Variants in THADA observed in about 807,000 individuals in gnomAD.
THADA encodes the protein THADA armadillo repeat containing.
THADA carries 213 observed loss-of-function variants against 219.8 expected under a neutral mutation model. The observed-to-expected ratio is 0.97, with a 90% CI of 0.87 to 1.09. THADA has a LOEUF of 1.09. Ranked by LOEUF, THADA falls within the 50% of genes least tolerant of loss-of-function variation. THADA has a pLI of 0.00. For synonymous variants in THADA, 1,018 were observed against 828.9 expected (o/e 1.23, Z -3.92); for missense variants, 2,956 against 2,311.3 (o/e 1.28, Z -5.72).
intron 11 of THADA, among the ~76,000 whole-genome samples, 156 bp downstream of exon 11, chr2:43,574,180 G>A (rs1360894110): frequency 6.6e-6 from 1 of 152,096 alleles, no homozygotes; most frequent in African/African-American, 2.4e-5. Flanking sequence ...CTATATATAG[G>A]AACATTCGTT....
chr2:43,533,701 G>A (rs1471227893), intron 21 of THADA, among the ~76,000 whole-genome samples: 1 of 152,130 alleles, frequency 6.6e-6, no homozygotes, highest in East Asian at 1.9e-4. Flanking sequence ...GAGAACACAT[G>A]GACACAGGGA....
chr2:43,467,613 C>T (rs1684412821), intron 26 of THADA, among the ~76,000 whole-genome samples: 1 of 152,178 alleles, frequency 6.6e-6, no homozygotes, highest in South Asian at 2.1e-4. Flanking sequence ...TTCACATCTG[C>T]AGAGACTTCT....
intron 29 of THADA, among the ~76,000 whole-genome samples, chr2:43,346,481 T>C (rs1470572124): frequency 6.6e-6 from 1 of 152,068 alleles, no homozygotes; most frequent in African/African-American, 2.4e-5. Flanking sequence ...AACTCTTTCT[T>C]CCTCACTTTC....
chr2:43,250,479 A>C (rs1669702940), intron 36 of THADA, among the ~76,000 whole-genome samples: 1 of 152,212 alleles, frequency 6.6e-6, no homozygotes, highest in Non-Finnish European at 1.5e-5. Context: ...TAATGACTGC[A>C]CACGACTGTA....
intron 28 of THADA, among the ~76,000 whole-genome samples, chr2:43,402,294 G>A (rs1674951900): frequency 6.6e-6 from 1 of 152,184 alleles, no homozygotes; most frequent in South Asian, 2.1e-4. Context: ...GACATTCACA[G>A]CCGAAGAGTG....
chr2:43,507,484 T>C (rs966358138), intron 23 of THADA, among the ~76,000 whole-genome samples: 3 of 152,122 alleles, frequency 2.0e-5, no homozygotes, highest in African/African-American at 7.2e-5. Flanking sequence ...AACACACTGA[T>C]ACAGAATGGG....
chr2:43,487,729 C>T (rs1014139016), intron 25 of THADA, among the ~76,000 whole-genome samples: 1 of 152,166 alleles, frequency 6.6e-6, no homozygotes, highest in Non-Finnish European at 1.5e-5. Context: ...AGCTGCCTCA[C>T]TTCTACCATG....
intron 31 of THADA, among the ~76,000 whole-genome samples, chr2:43,299,281 A>C (rs1470182712): frequency 6.6e-6 from 1 of 152,214 alleles, no homozygotes; most frequent in African/African-American, 2.4e-5. Context: ...GGAGATACAG[A>C]GATGCAGAGC....
At chr2:43,291,302 T>C (rs981577603) in intron 34 of THADA, among the ~76,000 whole-genome samples, 10 of 151,094 alleles carry the variant, frequency 6.6e-5, no homozygotes, top group African/African-American at 2.4e-4. Flanking sequence ...ATACAAAAAA[T>C]TAGCCGGGCG....
At chr2:43,363,995 G>C (rs933590406) in intron 29 of THADA, among the ~76,000 whole-genome samples, 1 of 152,174 alleles carries the variant, frequency 6.6e-6, no homozygotes, top group Non-Finnish European at 1.5e-5. Context: ...GCCAAGGCGG[G>C]CAGATTGCTT....
chr2:43,277,769 T>A (rs999180638), intron 36 of THADA, among the ~76,000 whole-genome samples: 1 of 152,204 alleles, frequency 6.6e-6, no homozygotes, highest in Non-Finnish European at 1.5e-5. Context: ...AACCACCGAT[T>A]TGGGGACAAA....
chr2:43,354,103 G>A (rs539064545), intron 29 of THADA, among the ~76,000 whole-genome samples: 21 of 151,998 alleles, frequency 1.4e-4, no homozygotes, highest in African/African-American at 3.1e-4. Flanking sequence ...AGGCGGGAGT[G>A]AGCCACTGCG....
intron 8 of THADA, 89 bp downstream of exon 8, chr2:43,581,652 A>C: frequency 1.7e-6 from 2 of 1,161,684 alleles, no homozygotes; most frequent in Non-Finnish European, 2.4e-6. Flanking sequence ...GTTAAGTATC[A>C]CATTTCACAC....
chr2:43,556,651 C>G, intron 16 of THADA, 96 bp from the exon 17 acceptor site: 3 of 1,188,750 alleles, frequency 2.5e-6, no homozygotes, highest in Non-Finnish European at 3.5e-6. Flanking sequence ...GAGCTGAGTA[C>G]AGTGGGCTCG....
intron 25 of THADA, chr2:43,486,482 C>A (rs1404794963): frequency 6.6e-6 from 1 of 152,100 alleles, no homozygotes; most frequent in African/African-American, 2.4e-5. Flanking sequence ...TGGATAAGAT[C>A]CAGAAACAGA....
intron 28 of THADA, among the ~76,000 whole-genome samples, chr2:43,403,574 T>A (rs1573483548): frequency 6.6e-6 from 1 of 152,198 alleles, no homozygotes; most frequent in East Asian, 1.9e-4. Context: ...ATCCAGCCAA[T>A]ATCCCCTTCC....
At chr2:43,400,081 A>T in intron 28 of THADA, among the ~76,000 whole-genome samples, 1 of 152,216 alleles carries the variant, frequency 6.6e-6, no homozygotes. Context: ...TCAAATACAA[A>T]TAACTCTGAC....
intron 9 of THADA, 43 bp downstream of exon 9, chr2:43,578,470 T>C (rs1700085915): frequency 1.1e-5 from 16 of 1,498,430 alleles, no homozygotes; most frequent in Non-Finnish European, 1.5e-5. Flanking sequence ...AAACATACCC[T>C]AACTCTCAAT....
intron 26 of THADA, among the ~76,000 whole-genome samples, chr2:43,466,764 G>A (rs1258458691): frequency 6.6e-6 from 1 of 152,152 alleles, no homozygotes; most frequent in Non-Finnish European, 1.5e-5. Context: ...TTCAAGACAT[G>A]AGGCAACTGA....
Sources: gnomAD v4.1 joint callset for allele counts (sites outside exome capture counted in the v4.1 genomes callset) on GRCh38, gnomAD v4.1.1 for gene constraint, MANE v1.5 for transcripts, NCBI Gene and HGNC (gene_info 2026-07-23, HGNC 2026-07-21) for gene names.